ZNF536: variants seen among roughly 807,000 people sequenced by gnomAD.
ZNF536 encodes the protein zinc finger protein 536.
A neutral mutation model predicts 84.5 loss-of-function variants in ZNF536; 13 were observed. The observed-to-expected ratio is 0.15, with a 90% CI of 0.10 to 0.24. The LOEUF (loss-of-function observed/expected upper bound fraction) is 0.24, where lower values mean the gene tolerates loss of function less well. Ranked by LOEUF, ZNF536 falls within the 10% of genes least tolerant of loss-of-function variation. The probability of loss-of-function intolerance (pLI) is 1.00; values close to 1 mark genes in which losing one functional copy is unlikely to be tolerated. For missense variants in ZNF536, 1,536 were observed against 1,747.5 expected, an observed-to-expected ratio of 0.88 and a Z score of 2.16; for synonymous variants, 811 against 742.5, an observed-to-expected ratio of 1.09 and a Z score of -1.50.
intron 1 of ZNF536, among the ~76,000 whole-genome samples, chr19:30,626,600 T>TC (rs897576795): frequency 7.2e-5 from 11 of 152,072 alleles, no homozygotes; most frequent in Admixed American, 4.6e-4. Context: ...GGAGGCCTTT[T>TC]CCCCCGCTAC....
chr19:30,396,555 A>C (rs2049824414), intron 1 of ZNF536, among the ~76,000 whole-genome samples: 1 of 147,588 alleles, frequency 6.8e-6, no homozygotes, highest in Admixed American at 6.7e-5. Context: ...CTTTCTACAG[A>C]TGTGTCCTGC....
intron 1 of ZNF536, among the ~76,000 whole-genome samples, chr19:30,274,857 TC>T: frequency 6.6e-6 from 1 of 152,236 alleles, no homozygotes; most frequent in Non-Finnish European, 1.5e-5. Context: ...CATCTCTTCT[TC>T]AAGATGCATT....
At chr19:30,648,680 G>A (rs781407161) in intron 1 of ZNF536, among the ~76,000 whole-genome samples, 2 of 152,192 alleles carry the variant, frequency 1.3e-5, no homozygotes, top group Non-Finnish European at 2.9e-5. Context: ...TAACATAGAA[G>A]TGCGTGAAAT....
intron 1 of ZNF536, among the ~76,000 whole-genome samples, chr19:30,588,839 A>C (rs900378626): frequency 1.3e-5 from 2 of 152,180 alleles, no homozygotes; most frequent in Non-Finnish European, 2.9e-5. Flanking sequence ...TTTTGGAATA[A>C]ATTTTCTTAA....
chr19:30,237,309 T>C (rs1311067324), intron 1 of ZNF536, among the ~76,000 whole-genome samples: 3 of 152,106 alleles, frequency 2.0e-5, no homozygotes, highest in Non-Finnish European at 4.4e-5. Flanking sequence ...GACTTTCGCA[T>C]TGGAATCTGT....
intron 1 of ZNF536, among the ~76,000 whole-genome samples, chr19:30,564,077 G>A (rs762964503): frequency 1.3e-5 from 2 of 152,186 alleles, no homozygotes; most frequent in Non-Finnish European, 2.9e-5. Context: ...TGGCTGAAAG[G>A]AAGAGAAATG....
chr19:30,449,639 T>C (rs1455565538), intron 2 of ZNF536, among the ~76,000 whole-genome samples: 2 of 152,224 alleles, frequency 1.3e-5, no homozygotes, highest in Non-Finnish European at 2.9e-5. Flanking sequence ...ATTGACCCTC[T>C]GTTCATTAAA....
chr19:30,571,779 C>T (rs2050502666), intron 1 of ZNF536, among the ~76,000 whole-genome samples: 1 of 152,082 alleles, frequency 6.6e-6, no homozygotes, highest in African/African-American at 2.4e-5. Context: ...AGACAGCCTG[C>T]TTTATTTTTA....
chr19:30,367,796 C>T (rs1158615087), upstream of ZNF536, among the ~76,000 whole-genome samples: 1 of 152,174 alleles, frequency 6.6e-6, no homozygotes, highest in Non-Finnish European at 1.5e-5. Flanking sequence ...GGGAATGACA[C>T]CGATGAGTAG....
At chr19:30,447,443 T>C (rs1016093344) in intron 2 of ZNF536, among the ~76,000 whole-genome samples, 2 of 152,188 alleles carry the variant, frequency 1.3e-5, no homozygotes, top group African/African-American at 4.8e-5. Flanking sequence ...CGATAGCACT[T>C]AATGCCGCTG....
intron 2 of ZNF536, among the ~76,000 whole-genome samples, chr19:30,313,689 G>A (rs776407787): frequency 7.9e-5 from 12 of 152,160 alleles, no homozygotes; most frequent in Non-Finnish European, 1.8e-4. Flanking sequence ...TGCCCACCCC[G>A]ACTGTGGTTT....
chr19:30,303,310 A>G (rs951485462), intron 2 of ZNF536, among the ~76,000 whole-genome samples: 8 of 152,138 alleles, frequency 5.3e-5, no homozygotes, highest in African/African-American at 1.9e-4. Context: ...TGGCTGGTGC[A>G]TCTGTGGCCA....
intron 4 of ZNF536, chr19:30,555,577 G>A (rs2045935107): frequency 6.6e-6 from 1 of 152,234 alleles, no homozygotes; most frequent in Non-Finnish European, 1.5e-5. Flanking sequence ...TACCAGGCAA[G>A]TGCTTGGGGG....
chr19:30,337,937 G>C (rs2047432565), intron 2 of ZNF536, among the ~76,000 whole-genome samples: 1 of 151,740 alleles, frequency 6.6e-6, no homozygotes, highest in Non-Finnish European at 1.5e-5. Flanking sequence ...TGATAATGTT[G>C]ATATGATGAT....
At chr19:30,476,278 C>T (rs1053260802) in intron 2 of ZNF536, among the ~76,000 whole-genome samples, 11 of 152,210 alleles carry the variant, frequency 7.2e-5, no homozygotes, top group African/African-American at 2.4e-4. Flanking sequence ...GACTTTTGGC[C>T]AGCCGTGGTG....
intron 2 of ZNF536, among the ~76,000 whole-genome samples, chr19:30,297,452 G>T (rs2046035275): frequency 6.6e-6 from 1 of 152,082 alleles, no homozygotes; most frequent in African/African-American, 2.4e-5. Context: ...ACTTTAAAAA[G>T]AACATTCAAT....
intron 1 of ZNF536, among the ~76,000 whole-genome samples, chr19:30,396,559 G>A (rs1161895603): frequency 6.7e-6 from 1 of 149,672 alleles, no homozygotes; most frequent in South Asian, 2.1e-4. Context: ...CTACAGATGT[G>A]TCCTGCCTCC....
At chr19:30,422,688 C>T (rs866611468) in intron 1 of ZNF536, among the ~76,000 whole-genome samples, 7 of 152,008 alleles carry the variant, frequency 4.6e-5, no homozygotes, top group South Asian at 2.1e-4. Context: ...CACATCTACC[C>T]ATCCTTCTAT....
rs767602672 is a variant in ZNF536 at position 30,444,789 on chromosome 19, C to T, written c.1227C>T (p.Pro409=). ...TGAAGAACAAGTCCCCCAGCGACCC[C>T]GAGGTGCCTGTGCCCATGGGCGGCA... is the stretch of plus-strand genomic sequence containing the variant. ...LSVKNKSPSD[P]EVPVPMGGMS... is the part of the protein sequence containing the mutation. The change falls in exon 2 of 5, where the codon CCC becomes CCT. Residue 409 remains proline (P), a synonymous_variant. Transcript: ENST00000355537. 57 of 1,613,816 alleles carry T rather than the reference C, an allele frequency of 3.5e-5. No homozygotes were observed. Among genetic ancestry groups the T allele is most frequent in the Non-Finnish European group, 4.5e-5 (53 of 1,180,044 alleles).
Sources: allele counts gnomAD v4.1 joint callset (sites outside exome capture counted in the v4.1 genomes callset), GRCh38; gene constraint gnomAD v4.1.1; transcripts MANE v1.5; gene names NCBI Gene and HGNC (gene_info 2026-07-23, HGNC 2026-07-21).